The following FOLH1 variants were observed in gnomAD, a reference collection of about 807,000 sequenced individuals.
FOLH1 encodes folate hydrolase 1.
Under a neutral mutation model 93.9 loss-of-function variants are expected in FOLH1, and 54 were observed. That is an observed-to-expected ratio of 0.57 (90% CI 0.46 to 0.72). The LOEUF is 0.72. FOLH1 is among the 30% of genes least tolerant of loss of function. The pLI is 0.00. For synonymous variants in FOLH1, 249 were observed against 303.6 expected (o/e 0.82, Z 1.87); for missense variants, 571 against 892.5 (o/e 0.64, Z 4.59).
chr11:49,175,112 A>C (rs1390273987), intron 8 of FOLH1, 135 bp from the exon 9 acceptor site: 6 of 787,000 alleles, frequency 7.6e-6, no homozygotes, highest in Non-Finnish European at 1.0e-5. Flanking sequence ...GATTAACAGG[A>C]GAAAAGGCAT....
At chr11:49,171,494 C>T (rs1859281579) in intron 10 of FOLH1, among the ~76,000 whole-genome samples, 4 of 151,988 alleles carry the variant, frequency 2.6e-5, no homozygotes, top group Admixed American at 2.6e-4. Flanking sequence ...GGACATGTGA[C>T]AGTAAAAATC....
intron 17 of FOLH1, among the ~76,000 whole-genome samples, chr11:49,150,525 A>ATCATTTTTATATAATTAT (rs1856389191): frequency 2.6e-5 from 4 of 152,166 alleles, no homozygotes; most frequent in Admixed American, 2.6e-4. Flanking sequence ...AATGTTTAGT[A>ATCATTTTTATATAATTAT]AGATGCCTGG....
Position 49,183,223 on chromosome 11 carries a change from T to G in FOLH1, c.846A>C (p.Gly282=). The change falls in exon 7 of 19, where the codon GGA becomes GGC. Residue 282 remains glycine, a synonymous_variant. Coordinates refer to ENST00000256999, the MANE Select transcript of FOLH1 (RefSeq NM_004476.3). ...YPANEYAYRR[G]IAEAVGLPSI... is the part of the protein sequence containing the mutation. The stretch of plus-strand genomic sequence containing the variant: ...TTGGAAGACCAACAGCCTCTGCAAT[T>G]CCACGCCTATAAGCATATTCTGAAA... 1 of 1,612,976 alleles carries G rather than the reference T, an allele frequency of 6.2e-7. No individual in the cohort carries two copies. Among genetic ancestry groups the G allele is most frequent in the South Asian group, 1.1e-5 (1 of 90,812 alleles).
chr11:49,164,692 T>A lies in FOLH1; in HGVS notation c.1440+13A>T. 6.4e-7 allele frequency: 1 copy of A among 1,561,584 alleles called. No individual in the cohort carries two copies. The highest frequency in any genetic ancestry group is 8.8e-7 in the Non-Finnish European group (1 of 1,141,892). The stretch of plus-strand genomic sequence containing the variant: ...AGAATTTGGGTTTTCTTAAATTATA[T>A]GTAATTATATACCTCTTTTGTTAGG... On this transcript the variant is annotated intron_variant, in intron 13 of 18. Coordinates refer to ENST00000256999, the MANE Select transcript of FOLH1 (RefSeq NM_004476.3).
chr11:49,169,839 C>A (rs1393913815), intron 11 of FOLH1, among the ~76,000 whole-genome samples: 2 of 152,058 alleles, frequency 1.3e-5, no homozygotes, highest in Non-Finnish European at 2.9e-5. Flanking sequence ...TTTGAGATAT[C>A]AATGTGAATT....
At chr11:49,155,834 AT>A (rs1856966838) in intron 15 of FOLH1, among the ~76,000 whole-genome samples, 10 of 138,872 alleles carry the variant, frequency 7.2e-5, no homozygotes, top group African/African-American at 2.6e-4. Context: ...ATATATATAT[AT>A]AATCAACAAC....
intron 13 of FOLH1, 59 bp downstream of exon 13, chr11:49,164,646 C>T: frequency 8.3e-7 from 1 of 1,209,636 alleles, no homozygotes; most frequent in Non-Finnish European, 1.2e-6. Context: ...TAACATAATA[C>T]CTCAAGAAAA....
chr11:49,202,001 G>A (rs1863313082), intron 2 of FOLH1, among the ~76,000 whole-genome samples: 1 of 152,082 alleles, frequency 6.6e-6, no homozygotes, highest in Non-Finnish European at 1.5e-5. Flanking sequence ...AACACATCCT[G>A]GAAAAGATTA....
intron 4 of FOLH1, among the ~76,000 whole-genome samples, chr11:49,189,206 C>T (rs1861748646): frequency 1.3e-5 from 2 of 152,200 alleles, no homozygotes; most frequent in Admixed American, 6.5e-5. Flanking sequence ...AATTGATGAT[C>T]TGCAAACTGA....
intron 16 of FOLH1, 92 bp from the exon 17 acceptor site, chr11:49,154,019 C>T (rs1268402070): frequency 3.8e-6 from 5 of 1,323,554 alleles, no homozygotes; most frequent in Non-Finnish European, 5.2e-6. Context: ...ATATAGAAGC[C>T]ATCATCTTTT....
chr11:49,201,570 C>T (rs1350921009), intron 2 of FOLH1, among the ~76,000 whole-genome samples: 3 of 151,822 alleles, frequency 2.0e-5, no homozygotes, highest in Non-Finnish European at 2.9e-5. Flanking sequence ...TTAAAATCCT[C>T]GTTTGGTAAA....
chr11:49,193,061 G>T (rs1223997251), intron 3 of FOLH1, among the ~76,000 whole-genome samples, 167 bp from the exon 4 acceptor site: 1 of 152,096 alleles, frequency 6.6e-6, no homozygotes, highest in East Asian at 1.9e-4. Context: ...AAGTTGTGAA[G>T]AATTCACGAG....
At chr11:49,203,448 G>A (rs1250023995) in intron 2 of FOLH1, among the ~76,000 whole-genome samples, 1 of 152,158 alleles carries the variant, frequency 6.6e-6, no homozygotes, top group Non-Finnish European at 1.5e-5. Context: ...GATTTTAAAG[G>A]GGGACCAGAT....
chr11:49,208,196 A>G, intron 1 of FOLH1, 96 bp downstream of exon 1: 1 of 911,572 alleles, frequency 1.1e-6, no homozygotes, highest in East Asian at 2.7e-5. Context: ...GGGGAAGACC[A>G]GCAACAGGAT....
intron 17 of FOLH1, among the ~76,000 whole-genome samples, chr11:49,151,491 G>C (rs2134867438): frequency 6.6e-6 from 1 of 152,242 alleles, no homozygotes; most frequent in East Asian, 1.9e-4. Context: ...TTCTTTGATG[G>C]GGCAAGAAGT....
intron 3 of FOLH1, 151 bp downstream of exon 3, chr11:49,200,104 C>A (rs377405850): frequency 1.4e-5 from 11 of 767,988 alleles, no homozygotes; most frequent in Non-Finnish European, 2.1e-5. Flanking sequence ...GTAGTTGACA[C>A]GGATAATGAG....
chr11:49,176,978 C>T (rs1176231725), intron 7 of FOLH1, among the ~76,000 whole-genome samples: 1 of 152,244 alleles, frequency 6.6e-6, no homozygotes, highest in Admixed American at 6.5e-5. Flanking sequence ...CACGCACCCT[C>T]ATGCACTCCA....
intron 10 of FOLH1, among the ~76,000 whole-genome samples, chr11:49,172,863 C>T (rs1487236810): frequency 3.3e-5 from 5 of 152,152 alleles, no homozygotes; most frequent in Non-Finnish European, 7.4e-5. Flanking sequence ...CACACCAGGG[C>T]TCAGGATGTG....
chr11:49,165,980 T>C (rs969553948), intron 12 of FOLH1, among the ~76,000 whole-genome samples: 2 of 152,174 alleles, frequency 1.3e-5, no homozygotes, highest in Non-Finnish European at 2.9e-5. Context: ...AATATACTTG[T>C]AGCTCTCTAC....
Sources: allele counts gnomAD v4.1 joint callset (sites outside exome capture counted in the v4.1 genomes callset), GRCh38; gene constraint gnomAD v4.1.1; transcripts MANE v1.5; gene names NCBI Gene and HGNC (gene_info 2026-07-23, HGNC 2026-07-21).